The following KCNH5 variants were observed in gnomAD, a reference collection of about 807,000 sequenced individuals.
The protein encoded by KCNH5 is voltage-gated delayed rectifier potassium channel KCNH5.
Under a neutral mutation model 96.1 loss-of-function variants are expected in KCNH5, and 46 were observed. The ratio of observed to expected loss-of-function variants is 0.48; its 90% CI spans 0.38 to 0.61. KCNH5 has a LOEUF of 0.61. KCNH5 is among the 20% of genes least tolerant of loss of function. The pLI is 0.00. For synonymous variants in KCNH5, 439 were observed against 449.8 expected, an observed-to-expected ratio of 0.98 and a Z score of 0.30; for missense variants, 907 against 1,225.8, an observed-to-expected ratio of 0.74 and a Z score of 3.88.
chr14:62,863,774 A>C (rs1359837946), intron 7 of KCNH5, among the ~76,000 whole-genome samples: 6 of 152,314 alleles, frequency 3.9e-5, no homozygotes, highest in African/African-American at 1.4e-4. Flanking sequence ...ATACAGTTGT[A>C]AACCAGGCAG....
At chr14:62,941,058 C>T (rs75383580) in intron 7 of KCNH5, among the ~76,000 whole-genome samples, 1 of 152,258 alleles carries the variant, frequency 6.6e-6, no homozygotes, top group African/African-American at 2.4e-5. Context: ...GTTTGACCCT[C>T]TTACCACATT....
intron 9 of KCNH5, among the ~76,000 whole-genome samples, chr14:62,786,494 A>G (rs1454398572): frequency 6.6e-6 from 1 of 152,126 alleles, no homozygotes; most frequent in Non-Finnish European, 1.5e-5. Flanking sequence ...AAGCAAATTA[A>G]CATGTCTATC....
At chr14:62,977,022 T>C (rs1296923883) in intron 6 of KCNH5, among the ~76,000 whole-genome samples, 1 of 151,998 alleles carries the variant, frequency 6.6e-6, no homozygotes, top group Non-Finnish European at 1.5e-5. Flanking sequence ...AAAAGAAAAG[T>C]AATTACAGCA....
chr14:62,773,663 A>G (rs1886037070), intron 10 of KCNH5, among the ~76,000 whole-genome samples: 1 of 152,244 alleles, frequency 6.6e-6, no homozygotes, highest in African/African-American at 2.4e-5. Context: ...TAAATAGTCA[A>G]TCTGGAGAAA....
chr14:62,964,046 A>G (rs555300575), intron 6 of KCNH5, among the ~76,000 whole-genome samples: 1 of 152,254 alleles, frequency 6.6e-6, no homozygotes, highest in Non-Finnish European at 1.5e-5. Context: ...TCAATGAAAG[A>G]CTGTGAGATA....
intron 8 of KCNH5, among the ~76,000 whole-genome samples, chr14:62,803,456 G>T (rs1390794635): frequency 6.6e-6 from 1 of 152,106 alleles, no homozygotes; most frequent in Non-Finnish European, 1.5e-5. Flanking sequence ...AGGGACAAGG[G>T]TATTGACCAG....
Position 62,700,881 on chromosome 14 carries a change from C to A in KCNH5, c.*6627G>T, listed in dbSNP as rs967336603. ...GTTGCTTTTTGCCAAAGTCCAATTT[C>A]TCTAACTCAATGGAGAGTCTGACCA... On this transcript the variant is annotated 3_prime_UTR_variant, in exon 11 of 11. Coordinates refer to ENST00000322893, the MANE Select transcript of KCNH5 (RefSeq NM_139318.5). 6.6e-6 allele frequency: 1 copy of A among 152,156 alleles called. No homozygotes were observed. Among genetic ancestry groups the A allele is most frequent in the Non-Finnish European group, 1.5e-5 (1 of 68,012 alleles). The allele number at this position is 152,156 out of a possible 1,614,324, so 9.4% of individuals were successfully genotyped here.
chr14:63,030,422 G>A (rs1329882247), intron 1 of KCNH5, among the ~76,000 whole-genome samples: 3 of 152,166 alleles, frequency 2.0e-5, no homozygotes, highest in African/African-American at 4.8e-5. Flanking sequence ...TATCCTATCA[G>A]AGGAGAACAT....
chr14:62,783,577 T>C (rs1421192987), intron 9 of KCNH5, among the ~76,000 whole-genome samples: 2 of 152,232 alleles, frequency 1.3e-5, no homozygotes, highest in African/African-American at 2.4e-5. Context: ...TTTGTTTTCA[T>C]ATATGGTACA....
chr14:62,826,899 C>T (rs375005391), intron 8 of KCNH5, among the ~76,000 whole-genome samples: 92 of 151,626 alleles, frequency 6.1e-4, no homozygotes, highest in African/African-American at 1.8e-3. Flanking sequence ...AAACATGAAA[C>T]GACTTCATGA....
chr14:62,893,262 G>T (rs1888746959), intron 7 of KCNH5, among the ~76,000 whole-genome samples: 1 of 152,194 alleles, frequency 6.6e-6, no homozygotes, highest in South Asian at 2.1e-4. Context: ...AGTGGAGGGA[G>T]TAACTGCAGA....
intron 1 of KCNH5, among the ~76,000 whole-genome samples, chr14:63,041,027 T>C (rs1218638171): frequency 6.6e-6 from 1 of 152,066 alleles, no homozygotes; most frequent in African/African-American, 2.4e-5. Context: ...AAGCTTAAAA[T>C]ATTAAATAAT....
At chr14:62,993,222 G>A (rs1890845361) in intron 4 of KCNH5, among the ~76,000 whole-genome samples, 1 of 151,990 alleles carries the variant, frequency 6.6e-6, no homozygotes, top group African/African-American at 2.4e-5. Context: ...ACATAGCTTT[G>A]TAATATAACT....
At chr14:62,770,379 G>A (rs2139965273) in intron 10 of KCNH5, among the ~76,000 whole-genome samples, 1 of 152,300 alleles carries the variant, frequency 6.6e-6, no homozygotes, top group South Asian at 2.1e-4. Context: ...GCATTATTGA[G>A]TTCTGAGCCT....
At chr14:62,945,608 T>A (rs1017754621) in intron 7 of KCNH5, among the ~76,000 whole-genome samples, 1 of 152,092 alleles carries the variant, frequency 6.6e-6, no homozygotes, top group Non-Finnish European at 1.5e-5. Flanking sequence ...TACACGTGGG[T>A]TCGGATCGTG....
intron 9 of KCNH5, among the ~76,000 whole-genome samples, chr14:62,784,608 A>G (rs1486108257): frequency 6.6e-6 from 1 of 152,244 alleles, no homozygotes; most frequent in Non-Finnish European, 1.5e-5. Flanking sequence ...TTCATAAAAT[A>G]CATACATAGA....
At chr14:62,870,340 T>C (rs1432112926) in intron 7 of KCNH5, among the ~76,000 whole-genome samples, 2 of 152,178 alleles carry the variant, frequency 1.3e-5, no homozygotes, top group African/African-American at 4.8e-5. Flanking sequence ...AAATGGATAT[T>C]TTACCTGCTA....
At chr14:62,815,708 GA>G (rs1464585895) in intron 8 of KCNH5, among the ~76,000 whole-genome samples, 3 of 151,808 alleles carry the variant, frequency 2.0e-5, no homozygotes, top group Non-Finnish European at 2.9e-5. Context: ...TATTTAAAGA[GA>G]AAAAATAAAT....
chr14:63,030,485 A>C (rs117746019), intron 1 of KCNH5, among the ~76,000 whole-genome samples: 1,752 of 152,302 alleles, frequency 0.012, 24 homozygotes, highest in African/African-American at 0.03. Flanking sequence ...AAACGAATCA[A>C]AGACCCTTAA....
Sources: gnomAD v4.1 joint callset for allele counts (sites outside exome capture counted in the v4.1 genomes callset) on GRCh38, gnomAD v4.1.1 for gene constraint, MANE v1.5 for transcripts, NCBI Gene and HGNC (gene_info 2026-07-23, HGNC 2026-07-21) for gene names.